The following SLC20A2 variants were observed in gnomAD, a reference collection of about 807,000 sequenced individuals.
SLC20A2 encodes the protein solute carrier family 20 member 2, also known as sodium-dependent phosphate transporter 2.
SLC20A2 carries 30 observed loss-of-function variants against 61.0 expected under a neutral mutation model. That is an observed-to-expected ratio of 0.49 (90% CI 0.37 to 0.67). The LOEUF (loss-of-function observed/expected upper bound fraction) is 0.67. Ranked by LOEUF, SLC20A2 falls within the 30% of genes least tolerant of loss-of-function variation. The probability of loss-of-function intolerance (pLI) is 0.00; values close to 1 mark genes in which losing one functional copy is unlikely to be tolerated. For missense variants in SLC20A2, 626 were observed against 866.4 expected (o/e 0.72, Z 3.48); for synonymous variants, 351 against 353.3 (o/e 0.99, Z 0.07).
intron 6 of SLC20A2, 36 bp from the exon 7 acceptor site, chr8:42,439,689 G>C: frequency 7.1e-7 from 1 of 1,412,428 alleles, no homozygotes; most frequent in Non-Finnish European, 1.0e-6. Flanking sequence ...CATTCTGGAA[G>C]AGAGTTCTTA....
Position 42,435,589 on chromosome 8 carries a change from C to T in SLC20A2, c.1523+1400G>A, listed in dbSNP as rs370424795. Among the ~76,000 whole-genome samples, 8 of 152,096 alleles carry T rather than the reference C, an allele frequency of 5.3e-5. No homozygotes were observed. The South Asian group carries it at 1.7e-3, about 32-fold the overall frequency. ...TTGGGGCTCTCAGGCCCCAGGAGGC[C>T]GCCCTGCTTCCTACACACCAGGCCT... is the stretch of plus-strand genomic sequence containing the variant. On this transcript the variant is annotated intron_variant, in intron 8 of 10. Transcript: ENST00000520262.
intron 2 of SLC20A2, among the ~76,000 whole-genome samples, chr8:42,468,706 G>T (rs1472510881): frequency 6.6e-6 from 1 of 151,790 alleles, no homozygotes; most frequent in East Asian, 1.9e-4. Flanking sequence ...TGAAAGAAAC[G>T]GCAGAGCAAA....
intron 1 of SLC20A2, among the ~76,000 whole-genome samples, chr8:42,518,621 T>A (rs1197044001): frequency 6.6e-6 from 1 of 152,264 alleles, no homozygotes; most frequent in East Asian, 1.9e-4. Context: ...CATCCGTGTA[T>A]ACTTTCACTT....
chr8:42,466,022 T>C, intron 2 of SLC20A2, 105 bp from the exon 3 acceptor site: 1 of 1,038,232 alleles, frequency 9.6e-7, no homozygotes, highest in Non-Finnish European at 1.4e-6. Context: ...CAGAGTTTAA[T>C]TTTCTGTGAA....
chr8:42,444,680 G>A lies in SLC20A2; in HGVS notation c.696C>T (p.Leu232=), dbSNP rs755533607. 94 of 1,613,776 alleles carry A rather than the reference G, an allele frequency of 5.8e-5. No homozygotes were observed. Among genetic ancestry groups the A allele is most frequent in the Non-Finnish European group, 7.1e-5 (84 of 1,179,874 alleles). ...VALLFAFFVW[L]FVCPWMRRKI... The stretch of plus-strand genomic sequence containing the variant: ...TCCTCCGCATCCACGGACACACGAA[G>A]AGCCACACAAAAAAAGCGAACAGGA... The change falls in exon 6 of 11, where the codon CTC becomes CTT. Residue 232 remains leucine (L), a synonymous_variant. Coordinates refer to ENST00000520262, the MANE Select transcript of SLC20A2 (RefSeq NM_001257180.2).
At chr8:42,448,398 G>A (rs1315098330) in intron 5 of SLC20A2, among the ~76,000 whole-genome samples, 1 of 152,204 alleles carries the variant, frequency 6.6e-6, no homozygotes. Context: ...GGGCCCGAAA[G>A]AGAAGTCAAG....
intron 1 of SLC20A2, among the ~76,000 whole-genome samples, chr8:42,475,186 A>G (rs1807968377): frequency 2.0e-5 from 3 of 151,736 alleles, no homozygotes; most frequent in South Asian, 2.1e-4. Flanking sequence ...TGCAGCCTTA[A>G]CCGCCCAGGC....
At chr8:42,533,676 T>TTTTTTTAG (rs1812517633) in intron 1 of SLC20A2, among the ~76,000 whole-genome samples, 1 of 141,798 alleles carries the variant, frequency 7.1e-6, no homozygotes, top group African/African-American at 2.6e-5. Context: ...TTTTTTTTTT[T>TTTTTTTAG]GAGACGGGAG....
intron 1 of SLC20A2, among the ~76,000 whole-genome samples, chr8:42,510,080 T>C (rs983998475): frequency 1.3e-5 from 2 of 152,210 alleles, no homozygotes; most frequent in Non-Finnish European, 2.9e-5. Context: ...TTGAACTAGA[T>C]ATATATCTAA....
chr8:42,485,815 G>A (rs953373759), intron 1 of SLC20A2, among the ~76,000 whole-genome samples: 35 of 151,268 alleles, frequency 2.3e-4, no homozygotes, highest in Non-Finnish European at 3.8e-4. Context: ...GCATGGTGGC[G>A]CATGCCTGTA....
chr8:42,460,079 T>G, intron 4 of SLC20A2, 87 bp from the exon 5 acceptor site: 1 of 746,796 alleles, frequency 1.3e-6, no homozygotes, highest in South Asian at 1.5e-5. Context: ...AAAATACTGT[T>G]ACAAGAAACT....
intron 1 of SLC20A2, among the ~76,000 whole-genome samples, chr8:42,522,980 C>A (rs1811683656): frequency 6.6e-6 from 1 of 151,540 alleles, no homozygotes. Flanking sequence ...CCACTTTGGC[C>A]TCCCAAAGTG....
At chr8:42,458,366 C>T (rs1806370888) in intron 5 of SLC20A2, among the ~76,000 whole-genome samples, 1 of 152,176 alleles carries the variant, frequency 6.6e-6, no homozygotes, top group Admixed American at 6.5e-5. Flanking sequence ...GGGCTCACAC[C>T]TGTAATCCCA....
intron 1 of SLC20A2, among the ~76,000 whole-genome samples, chr8:42,474,574 T>C (rs192200184): frequency 2.7e-4 from 41 of 152,242 alleles, no homozygotes; most frequent in Non-Finnish European, 4.9e-4. Context: ...ATCAAAACTT[T>C]AAAAATTGGG....
At chr8:42,426,923 C>T (rs1190838900) in intron 10 of SLC20A2, among the ~76,000 whole-genome samples, 1 of 152,200 alleles carries the variant, frequency 6.6e-6, no homozygotes, top group East Asian at 1.9e-4. Context: ...GCTCCACACA[C>T]CACAGTGAAT....
intron 1 of SLC20A2, among the ~76,000 whole-genome samples, chr8:42,478,831 C>G (rs1000774026): frequency 1.3e-5 from 2 of 151,904 alleles, no homozygotes; most frequent in Non-Finnish European, 2.9e-5. Context: ...CATTGCCCCC[C>G]ACCTCCACCA....
At chr8:42,447,459 C>G (rs1021135774) in intron 5 of SLC20A2, among the ~76,000 whole-genome samples, 1 of 152,074 alleles carries the variant, frequency 6.6e-6, no homozygotes, top group Admixed American at 6.6e-5. Flanking sequence ...GGGCAGATCA[C>G]AAGGTCAGGA....
rs980605484 is a variant in SLC20A2 at position 42,485,029 on chromosome 8, A to G, written c.-264-12375T>C. The G allele has an allele frequency of 1.3e-5, 3 of 224,150 alleles. No individual in the cohort carries two copies. The Admixed American group carries it at 1.5e-4, about 12-fold the overall frequency. 13.9% of individuals were successfully genotyped at this position (224,150 alleles called of 1,614,324 possible). A position where few individuals can be genotyped will look rare whatever the true frequency, so the allele number is the denominator to read the frequency against. ...CCTAAGCCCAGAGTGAGCCCTCGAAACTGCGGGAGGGAGGTGCTAACAGCC... is the reference window on the plus strand; with the variant it reads ...CCTAAGCCCAGAGTGAGCCCTCGAAGCTGCGGGAGGGAGGTGCTAACAGCC... On this transcript the variant is annotated intron_variant, in intron 1 of 10. Transcript: ENST00000520262.
intron 5 of SLC20A2, among the ~76,000 whole-genome samples, chr8:42,445,409 G>A (rs1805133359): frequency 2.0e-5 from 3 of 152,062 alleles, no homozygotes; most frequent in Admixed American, 2.0e-4. Flanking sequence ...CTAAATGGCT[G>A]CACAACAAAT....
Sources: gnomAD v4.1 joint callset for allele counts (sites outside exome capture counted in the v4.1 genomes callset) on GRCh38, gnomAD v4.1.1 for gene constraint, MANE v1.5 for transcripts, NCBI Gene and HGNC (gene_info 2026-07-23, HGNC 2026-07-21) for gene names.